Variants in COL4A5 observed in about 807,000 individuals in gnomAD.
COL4A5 encodes the protein collagen alpha-5(IV) chain.
A neutral mutation model predicts 130.2 loss-of-function variants in COL4A5; 26 were observed. The ratio of observed to expected loss-of-function variants is 0.20; its 90% CI spans 0.15 to 0.28. The LOEUF (loss-of-function observed/expected upper bound fraction) is 0.28. COL4A5 is among the 10% of genes least tolerant of loss of function. The probability of loss-of-function intolerance (pLI) is 1.00; values close to 1 mark genes in which losing one functional copy is unlikely to be tolerated. For missense variants in COL4A5, 1,131 were observed against 1,344.3 expected, an observed-to-expected ratio of 0.84 and a Z score of 2.48; for synonymous variants, 496 against 439.6, an observed-to-expected ratio of 1.13 and a Z score of -1.60.
At chrX:108,634,713 C>T (rs185183395) in intron 36 of COL4A5, among the ~76,000 whole-genome samples, 1 of 111,483 alleles carries the variant, frequency 9.0e-6, no homozygotes, top group African/African-American at 3.2e-5. Flanking sequence ...ATTGGATTTA[C>T]TATTTTTTAT....
chrX:108,665,773 G>A, intron 38 of COL4A5, among the ~76,000 whole-genome samples, 186 bp downstream of exon 38: 1 of 112,506 alleles, frequency 8.9e-6, no homozygotes, highest in Non-Finnish European at 1.9e-5. Flanking sequence ...AAAATTGGCT[G>A]GGCACAGTGG....
chrX:108,567,771 A>T (rs2065995936), intron 4 of COL4A5, among the ~76,000 whole-genome samples: 1 of 111,358 alleles, frequency 9.0e-6, no homozygotes, highest in South Asian at 3.8e-4. Flanking sequence ...AAACCATCAG[A>T]TTTCGTGAGA....
Position 108,578,460 on chromosome X carries a change from C to A in COL4A5, c.780+77C>A. 1.0e-5 allele frequency: 7 copies of A among 686,301 alleles called. No individual in the cohort carries two copies. In the South Asian group the frequency reaches 1.5e-4, roughly 15 times the overall value. The allele number at this position is 686,301 out of a possible 1,213,427, so 56.6% of individuals were successfully genotyped here. A position where few individuals can be genotyped will look rare whatever the true frequency, so the allele number is the denominator to read the frequency against. ...TAGTTTGATGGTGGTAATCACATCA[C>A]AATGTATATGTATATCAAAACATCA... On this transcript the variant is annotated intron_variant, in intron 13 of 52. Transcript: ENST00000328300.
chrX:108,467,181 C>T (rs889536027), intron 1 of COL4A5, among the ~76,000 whole-genome samples: 10 of 111,629 alleles, frequency 9.0e-5, no homozygotes, highest in African/African-American at 2.6e-4. Context: ...GTTGTTGATT[C>T]ATTTTGAAAT....
intron 36 of COL4A5, among the ~76,000 whole-genome samples, chrX:108,642,205 C>T (rs2147906452): frequency 9.0e-6 from 1 of 110,609 alleles, no homozygotes; most frequent in Admixed American, 9.6e-5. Flanking sequence ...GGAACCTCAC[C>T]TCCATCCCCC....
chrX:108,448,487 A>T (rs1013905767), intron 1 of COL4A5, among the ~76,000 whole-genome samples: 6 of 112,025 alleles, frequency 5.4e-5, no homozygotes, highest in African/African-American at 1.9e-4. Flanking sequence ...ACTGAAAGAG[A>T]TATGGAACTT....
chrX:108,683,049 C>T (rs2068468556), intron 47 of COL4A5, among the ~76,000 whole-genome samples: 1 of 111,849 alleles, frequency 8.9e-6, no homozygotes, highest in Non-Finnish European at 1.9e-5. Context: ...AAGTCTTTAA[C>T]TTATCTTGAG....
chrX:108,621,756 C>T (rs1375682480), intron 31 of COL4A5, 47 bp from the exon 32 acceptor site: 10 of 1,003,279 alleles, frequency 1.0e-5, no homozygotes, highest in Admixed American at 4.6e-5. Flanking sequence ...TTTTTATGTT[C>T]CCTAAGTCAA....
At chrX:108,592,889 A>G (rs1426354499) in intron 21 of COL4A5, among the ~76,000 whole-genome samples, 2 of 110,759 alleles carry the variant, frequency 1.8e-5, no homozygotes, top group Non-Finnish European at 3.8e-5. Flanking sequence ...TCACTATTTT[A>G]TCCTCTGGCA....
At chrX:108,513,297 C>CA (rs1291971874) in intron 1 of COL4A5, among the ~76,000 whole-genome samples, 413 of 101,187 alleles carry the variant, frequency 4.1e-3, no homozygotes, top group Non-Finnish European at 6.5e-3. Context: ...GACTCTGTCT[C>CA]AAAAAAAAAA....
In COL4A5 at chrX:108,606,814, C is replaced by G; in HGVS notation, c.2317C>G (p.Pro773Ala). 8.3e-7 allele frequency: 1 copy of G among 1,211,296 alleles called. No homozygotes were observed. The highest frequency in any genetic ancestry group is 1.1e-6 in the Non-Finnish European group (1 of 895,132). Residue 773 changes from proline (P) to alanine (A), a missense_variant, in exon 29 of 53, where the codon CCA (proline) becomes GCA (alanine). Coordinates refer to ENST00000328300, the MANE Select transcript of COL4A5 (RefSeq NM_033380.3). The stretch of plus-strand genomic sequence containing the variant: ...TCCAGGTTTCAAAGGAGCACTTGGT[C>G]CAAAAGGTGATCGTGGTTTCCCAGG... ...GLPGFKGALGPKGDRGFPGPP... is the reference protein window; with the variant it reads ...GLPGFKGALGAKGDRGFPGPP...
chrX:108,568,510 TAGTG>T (rs1348563161), intron 4 of COL4A5, 115 bp from the exon 5 acceptor site: 2 of 532,553 alleles, frequency 3.8e-6, no homozygotes, highest in Admixed American at 2.9e-5. Context: ...TAGTAATAAA[TAGTG>T]AGACACAATT....
intron 2 of COL4A5, among the ~76,000 whole-genome samples, chrX:108,558,628 T>C (rs2065861731): frequency 8.9e-6 from 1 of 112,025 alleles, no homozygotes; most frequent in African/African-American, 3.2e-5. Flanking sequence ...TTAGAAAAAG[T>C]AATAAAAGTT....
At chrX:108,585,556 G>T (rs770318169) in intron 18 of COL4A5, among the ~76,000 whole-genome samples, 207 of 111,046 alleles carry the variant, frequency 1.9e-3, no homozygotes, top group Middle Eastern at 9.4e-3. Flanking sequence ...ACAACTTTTT[G>T]TCTTCTTTTG....
chrX:108,577,965 C>T lies in COL4A5; in HGVS notation c.623C>T (p.Pro208Leu), dbSNP rs1176374512. The T allele has an allele frequency of 8.3e-7, 1 of 1,201,868 alleles. No homozygotes were observed. The highest frequency in any genetic ancestry group is 1.7e-5 in the African/African-American group (1 of 57,425). Reference protein sequence around the residue: ...GPPGLMGPPGPPGLPGPKGNM... With the variant: ...GPPGLMGPPGLPGLPGPKGNM... ...TTCTCTTCTTAGGGCCCTCCTGGTC[C>T]ACCAGGACTTCCAGGACCTAAGGTA... The change falls in exon 11 of 53, where the codon CCA (proline) becomes CTA (leucine). Residue 208 changes from proline to leucine, a missense_variant. Coordinates refer to ENST00000328300, the MANE Select transcript of COL4A5 (RefSeq NM_033380.3).
chrX:108,502,258 A>AGTTTTGTTTTGTTTT (rs372234708), intron 1 of COL4A5, among the ~76,000 whole-genome samples: 2 of 108,803 alleles, frequency 1.8e-5, no homozygotes, highest in African/African-American at 3.5e-5. Context: ...GGAAGGTAAT[A>AGTTTTGTTTTGTTTT]GTTTTGTTTT....
chrX:108,445,212 A>G (rs915765646), intron 1 of COL4A5, among the ~76,000 whole-genome samples: 8 of 110,748 alleles, frequency 7.2e-5, no homozygotes, highest in African/African-American at 2.0e-4. Context: ...CCCTTATCCA[A>G]CCTTATTTTT....
chrX:108,695,533 A>G, intron 52 of COL4A5, 94 bp downstream of exon 52: 2 of 900,682 alleles, frequency 2.2e-6, no homozygotes, highest in Non-Finnish European at 3.2e-6. Context: ...TCCTCAACAA[A>G]TGTTAGGAAT....
chrX:108,491,010 C>T, intron 1 of COL4A5, among the ~76,000 whole-genome samples: 2 of 112,264 alleles, frequency 1.8e-5, no homozygotes, highest in Middle Eastern at 9.2e-3. Context: ...CATAATATTA[C>T]ATGGTATATA....
Sources: allele counts gnomAD v4.1 joint callset (sites outside exome capture counted in the v4.1 genomes callset), GRCh38; gene constraint gnomAD v4.1.1; transcripts MANE v1.5; gene names NCBI Gene and HGNC (gene_info 2026-07-23, HGNC 2026-07-21).